Variants in SLC20A2 observed in about 807,000 individuals in gnomAD.
SLC20A2 encodes sodium-dependent phosphate transporter 2.
SLC20A2 carries 30 observed loss-of-function variants against 61.0 expected under a neutral mutation model. The ratio of observed to expected loss-of-function variants is 0.49; its 90% CI spans 0.37 to 0.67. The LOEUF (loss-of-function observed/expected upper bound fraction) is 0.67. SLC20A2 is among the 30% of genes least tolerant of loss of function. SLC20A2 has a pLI of 0.00. For synonymous variants in SLC20A2, 351 were observed against 353.3 expected, an observed-to-expected ratio of 0.99 and a Z score of 0.07; for missense variants, 626 against 866.4, an observed-to-expected ratio of 0.72 and a Z score of 3.48.
intron 1 of SLC20A2, among the ~76,000 whole-genome samples, chr8:42,537,162 T>A (rs751116569): frequency 2.0e-5 from 3 of 150,232 alleles, no homozygotes; most frequent in Non-Finnish European, 3.0e-5. Context: ...AGGAGGAGGG[T>A]TGTTTGAGCC....
intron 1 of SLC20A2, among the ~76,000 whole-genome samples, chr8:42,491,554 C>T (rs1809515980): frequency 6.6e-6 from 1 of 151,834 alleles, no homozygotes; most frequent in Admixed American, 6.6e-5. Context: ...ACCTGTAATC[C>T]CACCTATTTG....
chr8:42,472,448 C>G lies in SLC20A2; in HGVS notation c.-58G>C. The G allele has an allele frequency of 1.3e-6, 2 of 1,526,642 alleles. No homozygotes were observed. Among genetic ancestry groups the G allele is most frequent in the Non-Finnish European group, 1.8e-6 (2 of 1,119,258 alleles). The allele number at this position is 1,526,642 out of a possible 1,614,324, so 94.6% of individuals were successfully genotyped here. On this transcript the variant is annotated 5_prime_UTR_variant, in exon 2 of 11. Transcript: ENST00000520262. The surrounding 1 kb of genome is among the most constrained non-coding windows in gnomAD (Gnocchi z 4.1). ...GCAGGAATATTTTAAATAAACAAAGCTTGAGGTTATAAACTTCGTAAGGCC... is the reference window on the plus strand; with the variant it reads ...GCAGGAATATTTTAAATAAACAAAGGTTGAGGTTATAAACTTCGTAAGGCC...
intron 2 of SLC20A2, among the ~76,000 whole-genome samples, chr8:42,466,998 G>T (rs1332690962): frequency 6.6e-6 from 1 of 152,022 alleles, no homozygotes. Context: ...GCAGAGACGG[G>T]GGTCTTGCTA....
At chr8:42,449,679 C>T (rs1295219232) in intron 5 of SLC20A2, among the ~76,000 whole-genome samples, 1 of 152,048 alleles carries the variant, frequency 6.6e-6, no homozygotes, top group Non-Finnish European at 1.5e-5. Flanking sequence ...ATAAATAATC[C>T]ATGCTTATCG....
At chr8:42,535,896 G>T (rs1812665294) in intron 1 of SLC20A2, among the ~76,000 whole-genome samples, 1 of 152,188 alleles carries the variant, frequency 6.6e-6, no homozygotes, top group Non-Finnish European at 1.5e-5. Context: ...CCTAGTTAAA[G>T]AATAGATCAC....
chr8:42,541,227 CGA>C (rs1442938263), intron 1 of SLC20A2: 1 of 152,006 alleles, frequency 6.6e-6, no homozygotes, highest in African/African-American at 2.4e-5. Context: ...CCACTTCCGT[CGA>C]GTTTTCGCAA....
At chr8:42,458,374 C>G (rs1466635031) in intron 5 of SLC20A2, among the ~76,000 whole-genome samples, 1 of 152,076 alleles carries the variant, frequency 6.6e-6, no homozygotes, top group Non-Finnish European at 1.5e-5. Flanking sequence ...ACCTGTAATC[C>G]CAGCACTTTG....
chr8:42,438,680 A>G (rs1028851374), intron 7 of SLC20A2, among the ~76,000 whole-genome samples: 7 of 152,064 alleles, frequency 4.6e-5, no homozygotes, highest in African/African-American at 1.7e-4. Flanking sequence ...AAACATTGAG[A>G]GTCTAAAGGA....
At chr8:42,491,605 A>G (rs868416180) in intron 1 of SLC20A2, among the ~76,000 whole-genome samples, 1 of 151,776 alleles carries the variant, frequency 6.6e-6, no homozygotes, top group Non-Finnish European at 1.5e-5. Flanking sequence ...TGGAAGGCAG[A>G]GGTTGCAGTG....
intron 1 of SLC20A2, among the ~76,000 whole-genome samples, chr8:42,496,440 G>A (rs953145610): frequency 6.6e-6 from 1 of 152,160 alleles, no homozygotes; most frequent in Non-Finnish European, 1.5e-5. Context: ...AATAAAGGTG[G>A]GTGGAAGAGA....
At chr8:42,425,641 T>C (rs1001486184) in intron 10 of SLC20A2, among the ~76,000 whole-genome samples, 10 of 152,220 alleles carry the variant, frequency 6.6e-5, no homozygotes, top group Non-Finnish European at 1.2e-4. Flanking sequence ...ATCCAAGTTG[T>C]GACCTGTCTT....
intron 1 of SLC20A2, among the ~76,000 whole-genome samples, chr8:42,538,828 G>A (rs1389369634): frequency 6.6e-6 from 1 of 152,156 alleles, no homozygotes; most frequent in African/African-American, 2.4e-5. Flanking sequence ...AAAACATACA[G>A]AAATTCCAAA....
chr8:42,456,542 C>A (rs1297585731), intron 5 of SLC20A2, among the ~76,000 whole-genome samples: 3 of 151,954 alleles, frequency 2.0e-5, no homozygotes, highest in Non-Finnish European at 4.4e-5. Context: ...ACCAGACTGG[C>A]CAACATAGCA....
chr8:42,427,746 T>A (rs1803519676), intron 10 of SLC20A2, among the ~76,000 whole-genome samples: 1 of 152,198 alleles, frequency 6.6e-6, no homozygotes, highest in Non-Finnish European at 1.5e-5. Context: ...GTTTGAAGCA[T>A]GAAGCCACTT....
At chr8:42,440,078 C>A (rs1479851763) in intron 6 of SLC20A2, among the ~76,000 whole-genome samples, 4 of 148,810 alleles carry the variant, frequency 2.7e-5, no homozygotes, top group African/African-American at 9.9e-5. Flanking sequence ...GAGTGAGACT[C>A]TGTCTCAAAA....
chr8:42,455,631 C>G (rs527844950), intron 5 of SLC20A2, among the ~76,000 whole-genome samples: 36 of 150,860 alleles, frequency 2.4e-4, no homozygotes, highest in Non-Finnish European at 4.4e-4. Context: ...GCCTAGGTGA[C>G]AGAATGACAC....
At position 42,522,637 on chromosome 8, in the gene SLC20A2, T is replaced by A. The variant is rs2131403418; in HGVS notation, c.-265+19184A>T. Among the ~76,000 whole-genome samples, 2 of 119,564 alleles carry A rather than the reference T, an allele frequency of 1.7e-5. 1 individual carries two copies. The highest frequency in any genetic ancestry group is 6.1e-4 in the South Asian group (2 of 3,302). 78.4% of individuals were successfully genotyped at this position (119,564 alleles called of 152,430 possible). On this transcript the variant is annotated intron_variant, in intron 1 of 10. Transcript: ENST00000342228. ...CGGAGGTTGCAGTGAGCTGAGATCGTGCCACTGCACTCCAGCCTGGGCGAC... is the reference window on the plus strand; with the variant it reads ...CGGAGGTTGCAGTGAGCTGAGATCGAGCCACTGCACTCCAGCCTGGGCGAC...
Position 42,437,075 on chromosome 8 carries a change from G to GTCCTTCTCC in SLC20A2, c.1428_1436dup (p.Glu476_Lys478dup), listed in dbSNP as rs746548440. ...GGAACAGGAGGTGAACCTCGGGTGC[G>GTCCTTCTCC]TCCTTCTCCTCCTTCTCCTCCTCTG... On this transcript the variant is annotated inframe_insertion, in exon 8 of 11. Transcript: ENST00000520262. This position sits in a 1 kb window ranked among gnomAD's most constrained non-coding sequence, Gnocchi z 6.4. 80 of 1,613,948 alleles carry GTCCTTCTCC rather than the reference G, an allele frequency of 5.0e-5. No individual in the cohort carries two copies. Among genetic ancestry groups the GTCCTTCTCC allele is most frequent in the Non-Finnish European group, 5.7e-5 (67 of 1,180,044 alleles).
chr8:42,463,699 A>G lies in SLC20A2; in HGVS notation c.431-609T>C, dbSNP rs541648764. 3.1e-4 allele frequency among the ~76,000 whole-genome samples: 47 copies of G among 152,178 alleles called. No homozygotes were observed. In the South Asian group the frequency reaches 4.2e-3, roughly 13 times the overall value. ...GGGGTTTGGGCATTGGTATTTTTCA[A>G]TCGCTTCCCCGGGTCATTCTAAAGT... On this transcript the variant is annotated intron_variant, in intron 3 of 10. Transcript: ENST00000520262.
Sources: gnomAD v4.1 joint callset for allele counts (sites outside exome capture counted in the v4.1 genomes callset) on GRCh38, gnomAD v4.1.1 for gene constraint, Gnocchi (gnomAD v3.1) non-coding constraint, MANE v1.5 for transcripts, NCBI Gene and HGNC (gene_info 2026-07-23, HGNC 2026-07-21) for gene names.